The following GAREM2 variants were observed in gnomAD, a reference collection of about 807,000 sequenced individuals.
GAREM2 encodes the protein GRB2-associated and regulator of MAPK protein 2.
Under a neutral mutation model 55.6 loss-of-function variants are expected in GAREM2, and 30 were observed. The ratio of observed to expected loss-of-function variants is 0.54; its 90% confidence interval spans 0.40 to 0.73. The LOEUF (loss-of-function observed/expected upper bound fraction) is 0.73, where lower values mean the gene tolerates loss of function less well. GAREM2 is among the 30% of genes least tolerant of loss of function. The pLI is 0.00. For synonymous variants in GAREM2, 550 were observed against 569.1 expected, an observed-to-expected ratio of 0.97 and a Z score of 0.48; for missense variants, 1,075 against 1,257.7, an observed-to-expected ratio of 0.85 and a Z score of 2.20.
Position 26,185,148 on chromosome 2 carries a change from G to T in GAREM2, c.1300G>T (p.Ala434Ser). Residue 434 changes from alanine (A) to serine (S), a missense_variant, in exon 4 of 6, where the codon GCG (alanine) becomes TCG (serine). By Grantham distance (99) the Ala-to-Ser change is moderately conservative. Coordinates refer to ENST00000401533, the MANE Select transcript of GAREM2 (RefSeq NM_001168241.2). ...PAEIPYEELW[A>S]HQGPEGLVRP... Reference sequence around the variant, plus strand: ...CGAGATCCCCTACGAGGAGTTGTGGGCGCACCAGGGGCCCGAGGGCCTCGT... The same window carrying T: ...CGAGATCCCCTACGAGGAGTTGTGGTCGCACCAGGGGCCCGAGGGCCTCGT... The T allele has an allele frequency of 6.7e-7, 1 of 1,500,242 alleles. No individual in the cohort carries two copies. The highest frequency in any genetic ancestry group is 8.8e-7 in the Non-Finnish European group (1 of 1,132,276). 92.9% of individuals were successfully genotyped at this position (1,500,242 alleles called of 1,614,324 possible).
In GAREM2 at chr2:26,179,004, G is replaced by A. The variant is rs1033907081; in HGVS notation, c.253+2520G>A. 6.7e-6 allele frequency among the ~76,000 whole-genome samples: 1 copy of A among 149,480 alleles called. No homozygotes were observed. The highest frequency in any genetic ancestry group is 2.5e-5 in the African/African-American group (1 of 40,264). Reference sequence around the variant, plus strand: ...GATTTCTCCTAATGAATTAATAATGGCGCTCGGGCGGGCGGGGGTGGCCGG... The same window carrying A: ...GATTTCTCCTAATGAATTAATAATGACGCTCGGGCGGGCGGGGGTGGCCGG... On this transcript the variant is annotated intron_variant, in intron 2 of 5. Coordinates refer to ENST00000401533, the MANE Select transcript of GAREM2 (RefSeq NM_001168241.2). The surrounding 1 kb of genome is among the most constrained non-coding windows in gnomAD (Gnocchi z 4.7).
Position 26,188,079 on chromosome 2 carries a change from G to T in GAREM2, c.2447G>T (p.Arg816Leu). ...LSALSLEEVS[R>L]SLRFIGLSED... is the part of the protein sequence containing the mutation. ...GCACTCTCCCTGGAGGAGGTCTCTC[G>T]CAGTCTGCGTTTCATCGGGCTCTCA... The change falls in exon 6 of 6, where the codon CGC becomes CTC. Residue 816 changes from arginine to leucine, a missense_variant. Arg to Leu is a moderately radical substitution (Grantham distance 102). Coordinates refer to ENST00000401533, the MANE Select transcript of GAREM2 (RefSeq NM_001168241.2). 1.9e-6 allele frequency: 3 copies of T among 1,548,650 alleles called. No homozygotes were observed. Among genetic ancestry groups the T allele is most frequent in the South Asian group, 1.2e-5 (1 of 83,438 alleles).
the GAREM2 span, among the ~76,000 whole-genome samples, chr2:26,203,562 C>A: frequency 6.6e-6 from 1 of 152,140 alleles, no homozygotes; most frequent in Non-Finnish European, 1.5e-5. Context: ...CTCTGTAATG[C>A]CAGTCAGGAA....
In GAREM2 at chr2:26,179,991, C is replaced by T. The variant is rs1668991655; in HGVS notation, c.254-2976C>T. On this transcript the variant is annotated intron_variant, in intron 2 of 5. Coordinates refer to ENST00000401533, the MANE Select transcript of GAREM2 (RefSeq NM_001168241.2). This position sits in a 1 kb window ranked among gnomAD's most constrained non-coding sequence, Gnocchi z 4.7. The stretch of plus-strand genomic sequence containing the variant: ...GTGAGGGGAGGAGGCTACTCAGTGC[C>T]TGCAGTTCCTGCTTCCCAAGTCCTA... Among the ~76,000 whole-genome samples, 2 of 152,126 alleles carry T rather than the reference C, an allele frequency of 1.3e-5. No homozygotes were observed. The highest frequency in any genetic ancestry group is 2.9e-5 in the Non-Finnish European group (2 of 68,012).
At chr2:26,195,227 A>G in the GAREM2 span, 1 of 1,613,184 alleles carries the variant, frequency 6.2e-7, no homozygotes, top group Non-Finnish European at 8.5e-7. Flanking sequence ...AGTGCATGCC[A>G]ATCACCTGGC....
rs777814755 is a variant in GAREM2, at chr2:26,187,276, C to T, written c.1644C>T (p.Tyr548=). ...SGSGSPSPDT[Y]SLYCYPCTWG... ...GTGGCTCCCCATCGCCGGACACCTA[C>T]TCCCTCTATTGCTACCCATGCACCT... Residue 548 remains tyrosine (Y), a synonymous_variant, in exon 6 of 6, where the codon TAC becomes TAT. Transcript: ENST00000401533. 5.4e-6 allele frequency: 8 copies of T among 1,468,362 alleles called. No individual in the cohort carries two copies. The South Asian group carries it at 1.1e-4, about 21-fold the overall frequency. 91.0% of individuals were successfully genotyped at this position (1,468,362 alleles called of 1,614,324 possible).
rs116285803 is a variant in GAREM2, at chr2:26,188,971, A to G, written c.*714A>G. 4 of 152,254 alleles carry G rather than the reference A, an allele frequency of 2.6e-5. No homozygotes were observed. The highest frequency in any genetic ancestry group is 9.7e-5 in the African/African-American group (4 of 41,442). The allele number at this position is 152,254 out of a possible 1,614,324, so 9.4% of individuals were successfully genotyped here. ...AGTTAGGAAGCCAGACACTGCCCAGATGACTCTAGCACCCTGGCTTCTGCT... is the reference window on the plus strand; with the variant it reads ...AGTTAGGAAGCCAGACACTGCCCAGGTGACTCTAGCACCCTGGCTTCTGCT... On this transcript the variant is annotated 3_prime_UTR_variant, in exon 6 of 6. Transcript: ENST00000401533.
chr2:26,178,595 A>C (rs1004639960), intron 2 of GAREM2, among the ~76,000 whole-genome samples: 1 of 152,188 alleles, frequency 6.6e-6, no homozygotes, highest in African/African-American at 2.4e-5. Flanking sequence ...TTTCTAAAAT[A>C]AATAAAAATT....
Position 26,188,251 on chromosome 2 carries a change from G to T in GAREM2, c.2619G>T (p.Lys873Asn). 6.8e-7 allele frequency: 1 copy of T among 1,474,516 alleles called. No homozygotes were observed. Among genetic ancestry groups the T allele is most frequent in the East Asian group, 2.6e-5 (1 of 38,422 alleles). The allele number at this position is 1,474,516 out of a possible 1,614,324, so 91.3% of individuals were successfully genotyped here. The change falls in exon 6 of 6, where the codon AAG becomes AAT. Residue 873 changes from lysine to asparagine, a missense_variant. Coordinates refer to ENST00000401533, the MANE Select transcript of GAREM2 (RefSeq NM_001168241.2). ...IMQFIKGWRP[K>N]I is the part of the protein sequence containing the mutation. ...AGTTCATCAAAGGCTGGAGGCCCAA[G>T]ATCTGAACTGCCCAGCTGGAGCTGC...
At chr2:26,200,933 C>T in the GAREM2 span, among the ~76,000 whole-genome samples, 1 of 152,130 alleles carries the variant, frequency 6.6e-6, no homozygotes, top group African/African-American at 2.4e-5. Flanking sequence ...GGGGTTTCAT[C>T]ATATCGGCCA....
downstream of GAREM2, chr2:26,191,124 G>A (rs1027130042): frequency 3.2e-6 from 3 of 939,786 alleles, no homozygotes; most frequent in Non-Finnish European, 5.1e-6. Context: ...CTTTAATCAG[G>A]GAGCAAACCC....
downstream of GAREM2, chr2:26,191,312 A>G (rs201420712): frequency 1.2e-6 from 2 of 1,613,758 alleles, no homozygotes; most frequent in East Asian, 4.5e-5. Flanking sequence ...CATGGGGTGA[A>G]CTGTTTTCCA....
In GAREM2 at chr2:26,185,131, C is replaced by T; in HGVS notation, c.1283C>T (p.Pro428Leu). The T allele has an allele frequency of 6.7e-7, 1 of 1,485,834 alleles. No individual in the cohort carries two copies. Among genetic ancestry groups the T allele is most frequent in the Non-Finnish European group, 8.9e-7 (1 of 1,126,148 alleles). 92.0% of individuals were successfully genotyped at this position (1,485,834 alleles called of 1,614,324 possible). A position where few individuals can be genotyped will look rare whatever the true frequency, so the allele number is the denominator to read the frequency against. Reference sequence around the variant, plus strand: ...CCCGCCGCGCCGCCCGCCGAGATCCCCTACGAGGAGTTGTGGGCGCACCAG... The same window carrying T: ...CCCGCCGCGCCGCCCGCCGAGATCCTCTACGAGGAGTTGTGGGCGCACCAG... ...PEPAAPPAEI[P>L]YEELWAHQGP... Residue 428 changes from proline (P) to leucine (L), a missense_variant, in exon 4 of 6, where the codon CCC becomes CTC. Physicochemically the swap from Pro to Leu is moderately conservative, Grantham distance 98. Coordinates refer to ENST00000401533, the MANE Select transcript of GAREM2 (RefSeq NM_001168241.2).
Position 26,184,316 on chromosome 2 carries a change from G to A in GAREM2, c.468G>A (p.Gln156=), listed in dbSNP as rs775325747. The A allele has an allele frequency of 6.4e-7, 1 of 1,550,924 alleles. No homozygotes were observed. Among genetic ancestry groups the A allele is most frequent in the East Asian group, 2.4e-5 (1 of 40,906 alleles). ...GCGACGAGCTCACTCTTATGGGCCA[G>A]GCGGAGATCCTGTGCGCCAAGACCA... ...HAGDELTLMG[Q]AEILCAKTTK... The change falls in exon 4 of 6, where the codon CAG becomes CAA. Residue 156 remains glutamine (Q), a synonymous_variant. Coordinates refer to ENST00000401533, the MANE Select transcript of GAREM2 (RefSeq NM_001168241.2).
At chr2:26,201,980 T>A in the GAREM2 span, among the ~76,000 whole-genome samples, 1 of 133,180 alleles carries the variant, frequency 7.5e-6, no homozygotes, top group East Asian at 2.0e-4. Flanking sequence ...TTTTTTTTTT[T>A]AGTAGAGATG....
At chr2:26,196,623 TG>T in the GAREM2 span, among the ~76,000 whole-genome samples, 1 of 152,172 alleles carries the variant, frequency 6.6e-6, no homozygotes, top group African/African-American at 2.4e-5. Flanking sequence ...CCAAGATGGT[TG>T]GTCACCCTAT....
chr2:26,197,793 A>AT, the GAREM2 span: 11 of 1,263,210 alleles, frequency 8.7e-6, no homozygotes, highest in Admixed American at 1.2e-4. Context: ...GGGGAAAAGC[A>AT]TTTAACAATG....
chr2:26,197,793 A>G, the GAREM2 span: 66 of 1,263,210 alleles, frequency 5.2e-5, no homozygotes, highest in South Asian at 3.2e-4. Flanking sequence ...GGGGAAAAGC[A>G]TTTAACAATG....
chr2:26,188,065 G>A lies in GAREM2; in HGVS notation c.2433G>A (p.Leu811=), dbSNP rs1205734273. 6.5e-7 allele frequency: 1 copy of A among 1,545,414 alleles called. No homozygotes were observed. The highest frequency in any genetic ancestry group is 1.2e-5 in the South Asian group (1 of 82,936). ...CTGCTGACCTGTCTGCACTCTCCCT[G>A]GAGGAGGTCTCTCGCAGTCTGCGTT... is the stretch of plus-strand genomic sequence containing the variant. ...QPPADLSALS[L]EEVSRSLRFI... is the part of the protein sequence containing the mutation. Residue 811 remains leucine, a synonymous_variant, in exon 6 of 6, where the codon CTG becomes CTA. Coordinates refer to ENST00000401533, the MANE Select transcript of GAREM2 (RefSeq NM_001168241.2).
Sources: allele counts gnomAD v4.1 joint callset (sites outside exome capture counted in the v4.1 genomes callset), GRCh38; gene constraint gnomAD v4.1.1; non-coding constraint Gnocchi (gnomAD v3.1); transcripts MANE v1.5; gene names NCBI Gene and HGNC (gene_info 2026-07-23, HGNC 2026-07-21).